UNC80: variants seen among roughly 807,000 people sequenced by gnomAD.
UNC80 encodes the protein unc-80 subunit of NALCN channel complex.
UNC80 carries 164 observed loss-of-function variants against 384.6 expected under a neutral mutation model. That is an observed-to-expected ratio of 0.43 (90% CI 0.38 to 0.49). The LOEUF is 0.49. UNC80 is among the 20% of genes least tolerant of loss of function. The probability of loss-of-function intolerance (pLI) is 0.00; values close to 1 mark genes in which losing one functional copy is unlikely to be tolerated. For synonymous variants in UNC80, 1,486 were observed against 1,527.8 expected (o/e 0.97, Z 0.64); for missense variants, 3,330 against 4,143.0 (o/e 0.80, Z 5.39).
intron 61 of UNC80, among the ~76,000 whole-genome samples, chr2:209,990,059 T>C (rs1282883977): frequency 6.6e-6 from 1 of 152,168 alleles, no homozygotes; most frequent in Non-Finnish European, 1.5e-5. Context: ...ACTAAAGCTA[T>C]AAACTTGATA....
intron 16 of UNC80, among the ~76,000 whole-genome samples, chr2:209,832,320 AGG>A (rs1267280117): frequency 6.6e-6 from 1 of 152,170 alleles, no homozygotes; most frequent in Non-Finnish European, 1.5e-5. Context: ...AAAAATTAAA[AGG>A]CTAGTGCTTA....
rs953358458 is a variant in UNC80 at position 209,835,000 on chromosome 2, A to G, written c.3031A>G (p.Thr1011Ala). The change falls in exon 18 of 65, where the codon ACT (threonine) becomes GCT (alanine). Residue 1011 changes from threonine to alanine, a missense_variant. By Grantham distance (58) the Thr-to-Ala change is moderately conservative. This residue lies in a region of UNC80 where 801 missense variants were observed against 950.8 expected (regional missense o/e 0.84). Coordinates refer to ENST00000673920, the MANE Select transcript of UNC80 (RefSeq NM_001371986.1). Reference protein sequence around the residue: ...RSFMSGRPSQTPEHDEQMQGA... With the variant: ...RSFMSGRPSQAPEHDEQMQGA... Reference sequence around the variant, plus strand: ...CTTCATGTCTGGTCGCCCCTCACAGACTCCAGAGCAGTAAGTAGCGTTGGT... The same window carrying G: ...CTTCATGTCTGGTCGCCCCTCACAGGCTCCAGAGCAGTAAGTAGCGTTGGT... 1 of 1,550,296 alleles carries G rather than the reference A, an allele frequency of 6.5e-7. No homozygotes were observed. The highest frequency in any genetic ancestry group is 8.7e-7 in the Non-Finnish European group (1 of 1,146,148).
chr2:209,797,121 A>G (rs1345074722), intron 7 of UNC80, among the ~76,000 whole-genome samples: 2 of 152,050 alleles, frequency 1.3e-5, no homozygotes, highest in East Asian at 3.9e-4. Context: ...TGTTTTTGAG[A>G]TTTATCCACA....
chr2:209,833,880 T>A lies in UNC80; in HGVS notation c.2776-122T>A, dbSNP rs780572224. 9 of 928,606 alleles carry A rather than the reference T, an allele frequency of 9.7e-6. No individual in the cohort carries two copies. In the Admixed American group the frequency reaches 1.1e-4, roughly 11 times the overall value. 57.5% of individuals were successfully genotyped at this position (928,606 alleles called of 1,614,324 possible). A position where few individuals can be genotyped will look rare whatever the true frequency, so the allele number is the denominator to read the frequency against. ...CAGTTTCATCAATAGTAAACTGTCC[T>A]GTCTTAATGATTCCAATGCTCATCT... On this transcript the variant is annotated intron_variant, in intron 16 of 64. Transcript: ENST00000673920.
rs752320623 is a variant in UNC80, at chr2:209,829,275, A to T, written c.2522A>T (p.Gln841Leu). ...LTKLYKLDKM[Q>L]FRQTMRDYVN... The stretch of plus-strand genomic sequence containing the variant: ...AAGCTATACAAGCTAGATAAGATGC[A>T]GTTCCGACAAACCATGAGGGACTAT... Residue 841 changes from glutamine (Q) to leucine (L), a missense_variant, in exon 15 of 65, where the codon CAG becomes CTG. Physicochemically the swap from Gln to Leu is moderately radical, Grantham distance 113. Transcript: ENST00000673920. 1 of 1,551,482 alleles carries T rather than the reference A, an allele frequency of 6.4e-7. No individual in the cohort carries two copies. The highest frequency in any genetic ancestry group is 1.2e-5 in the South Asian group (1 of 84,058).
intron 22 of UNC80, among the ~76,000 whole-genome samples, chr2:209,864,447 A>G (rs1026533827): frequency 9.3e-4 from 142 of 152,224 alleles, no homozygotes; most frequent in African/African-American, 3.3e-3. Context: ...TATCTCAGGG[A>G]TTCCTCAGAG....
At chr2:209,879,010 A>C (rs1255491925) in intron 24 of UNC80, among the ~76,000 whole-genome samples, 1 of 151,686 alleles carries the variant, frequency 6.6e-6, no homozygotes, top group Non-Finnish European at 1.5e-5. Context: ...AACTCTTATG[A>C]TCTTCCTTTC....
chr2:209,898,202 A>G (rs984577054), intron 28 of UNC80, among the ~76,000 whole-genome samples: 2 of 151,886 alleles, frequency 1.3e-5, no homozygotes, highest in African/African-American at 4.8e-5. Context: ...AGAATGTTGA[A>G]TTTTTGTTTT....
At chr2:209,944,758 A>G (rs1427584569) in intron 45 of UNC80, among the ~76,000 whole-genome samples, 4 of 152,194 alleles carry the variant, frequency 2.6e-5, no homozygotes, top group South Asian at 2.1e-4. Context: ...GCCATCTTCA[A>G]TTAAAGGAAC....
intron 61 of UNC80, 108 bp from the exon 62 acceptor site, chr2:209,992,057 TG>T: frequency 1.3e-6 from 1 of 763,618 alleles, no homozygotes; most frequent in Non-Finnish European, 2.0e-6. Context: ...TCAAAGATAA[TG>T]GTATCTTTGA....
chr2:209,926,261 T>G (rs2090428272), intron 35 of UNC80, among the ~76,000 whole-genome samples: 1 of 152,204 alleles, frequency 6.6e-6, no homozygotes. Flanking sequence ...CTTCATTAAT[T>G]TAATATTGTG....
intron 56 of UNC80, among the ~76,000 whole-genome samples, chr2:209,975,704 T>C (rs935615932): frequency 6.6e-6 from 1 of 152,300 alleles, no homozygotes; most frequent in South Asian, 2.1e-4. Context: ...AAGGAAAAGA[T>C]TTTTAAGATC....
chr2:209,891,719 A>T (rs905300938), intron 26 of UNC80, among the ~76,000 whole-genome samples: 1 of 152,182 alleles, frequency 6.6e-6, no homozygotes, highest in Non-Finnish European at 1.5e-5. Flanking sequence ...CTGCAGTTAT[A>T]AGTTAAATGA....
chr2:209,962,869 A>C (rs2092636948), intron 51 of UNC80, among the ~76,000 whole-genome samples: 1 of 152,238 alleles, frequency 6.6e-6, no homozygotes, highest in Non-Finnish European at 1.5e-5. Flanking sequence ...CTTAATATAT[A>C]AATTTGCGAA....
intron 61 of UNC80, among the ~76,000 whole-genome samples, chr2:209,986,008 G>A (rs1365211152): frequency 1.3e-5 from 2 of 151,942 alleles, no homozygotes; most frequent in Non-Finnish European, 2.9e-5. Flanking sequence ...CCCTTGCCTT[G>A]ACAGATCAGT....
At chr2:209,955,746 C>T (rs777789760) in intron 48 of UNC80, among the ~76,000 whole-genome samples, 1,752 of 83,108 alleles carry the variant, frequency 0.021, 15 homozygotes, top group African/African-American at 0.026. Flanking sequence ...TATACACACA[C>T]ACACACACAC....
In UNC80 at chr2:209,968,845, T is replaced by C. The variant is rs569573287; in HGVS notation, c.8007-923T>C. The C allele has an allele frequency of 2.6e-5, 4 of 152,338 alleles. No homozygotes were observed. The East Asian group carries it at 7.7e-4, about 29-fold the overall frequency. The allele number at this position is 152,338 out of a possible 1,614,324, so 9.4% of individuals were successfully genotyped here. On this transcript the variant is annotated intron_variant, in intron 52 of 64. Transcript: ENST00000673920. ...ATTAGTACATAGGCTTGGTCAGTTA[T>C]AGGCAATTTTCTCGGGAGATAGGCT... is the stretch of plus-strand genomic sequence containing the variant.
chr2:209,976,930 A>G lies in UNC80; in HGVS notation c.8790A>G (p.Ala2930=), dbSNP rs1279111567. Residue 2930 remains alanine (A), a synonymous_variant, in exon 58 of 65, where the codon GCA becomes GCG. Transcript: ENST00000673920. This position sits in a 1 kb window ranked among gnomAD's most constrained non-coding sequence, Gnocchi z 4.3. ...CCTTTCAGCTGCTGGCCCAACCAGC[A>G]GAGAATCATGAAGAGCTTTCCGCCC... ...FIQCKLLAQP[A]ENHEELSARQ... The G allele has an allele frequency of 6.6e-7, 1 of 1,519,440 alleles. No homozygotes were observed. The highest frequency in any genetic ancestry group is 2.0e-5 in the Admixed American group (1 of 50,538). 94.1% of individuals were successfully genotyped at this position (1,519,440 alleles called of 1,614,324 possible).
At chr2:209,819,538 G>A (rs191543802) in intron 12 of UNC80, among the ~76,000 whole-genome samples, 195 of 151,312 alleles carry the variant, frequency 1.3e-3, no homozygotes, top group African/African-American at 4.4e-3. Flanking sequence ...ATACACATAC[G>A]TGTGTGTTTA....
Sources: gnomAD v4.1 joint callset for allele counts (sites outside exome capture counted in the v4.1 genomes callset) on GRCh38, gnomAD v4.1.1 for gene constraint, gnomAD v4.1.1 regional missense constraint, Gnocchi (gnomAD v3.1) non-coding constraint, MANE v1.5 for transcripts, NCBI Gene and HGNC (gene_info 2026-07-23, HGNC 2026-07-21) for gene names.